The following GALNT10 variants were observed in gnomAD, a reference collection of about 807,000 sequenced individuals.
The protein encoded by GALNT10 is GalNAc transferase 10.
GALNT10 carries 41 observed loss-of-function variants against 75.0 expected under a neutral mutation model. The observed-to-expected ratio is 0.55, with a 90% CI of 0.43 to 0.71. The LOEUF (loss-of-function observed/expected upper bound fraction) is 0.71. Ranked by LOEUF, GALNT10 falls within the 30% of genes least tolerant of loss-of-function variation. GALNT10 has a pLI of 0.00. For missense variants in GALNT10, 727 were observed against 818.5 expected, an observed-to-expected ratio of 0.89 and a Z score of 1.36; for synonymous variants, 302 against 313.0, an observed-to-expected ratio of 0.96 and a Z score of 0.37.
chr5:154,261,235 T>G (rs1242758088), intron 1 of GALNT10, among the ~76,000 whole-genome samples: 2 of 151,856 alleles, frequency 1.3e-5, no homozygotes, highest in Non-Finnish European at 2.9e-5. Context: ...GAGAGAAAGT[T>G]CTGATGGCTC....
chr5:154,319,161 G>A (rs1052675701), intron 3 of GALNT10, among the ~76,000 whole-genome samples: 8 of 152,238 alleles, frequency 5.3e-5, no homozygotes, highest in Non-Finnish European at 8.8e-5. Context: ...AGGCCACGCT[G>A]CATGTGGAAG....
chr5:154,318,339 C>T (rs761672051), intron 3 of GALNT10, among the ~76,000 whole-genome samples: 6 of 152,194 alleles, frequency 3.9e-5, no homozygotes, highest in South Asian at 2.1e-4. Flanking sequence ...CTAGAAGCCA[C>T]GATTTCAAAC....
At position 154,404,188 on chromosome 5, in the gene GALNT10, C is replaced by T; in HGVS notation, c.1141C>T (p.Pro381Ser). Residue 381 changes from proline to serine, a missense_variant, in exon 8 of 12, where the codon CCG becomes TCG. By Grantham distance (74) the Pro-to-Ser change is moderately conservative (BLOSUM62 -1). Transcript: ENST00000297107. ...CAGGAAGTATGTGCCCTACAAGGTC[C>T]CGGCCGGAGTCAGCCTGGCCCGGGT... The part of the protein sequence containing the change: ...IYRKYVPYKV[P>S]AGVSLARNLK... The T allele has an allele frequency of 6.2e-7, 1 of 1,605,668 alleles. No homozygotes were observed. The highest frequency in any genetic ancestry group is 1.3e-5 in the African/African-American group (1 of 74,960).
At chr5:154,391,374 C>A (rs1755893335) in intron 7 of GALNT10, among the ~76,000 whole-genome samples, 1 of 152,216 alleles carries the variant, frequency 6.6e-6, no homozygotes, top group Non-Finnish European at 1.5e-5. Flanking sequence ...AGACCGGATT[C>A]TCTATCCTGA....
At position 154,327,695 on chromosome 5, in the gene GALNT10, G is replaced by T. The variant is rs1754777028; in HGVS notation, c.402-1877G>T. Among the ~76,000 whole-genome samples, 5 of 152,184 alleles carry T rather than the reference G, an allele frequency of 3.3e-5. No individual in the cohort carries two copies. In the South Asian group the frequency reaches 1.0e-3, roughly 32 times the overall value. Reference sequence around the variant, plus strand: ...TTACCCTGCCTTTCCTATACTTTGGGGTGAACGAATAGTTGATGTGGTAAA... The same window carrying T: ...TTACCCTGCCTTTCCTATACTTTGGTGTGAACGAATAGTTGATGTGGTAAA... On this transcript the variant is annotated intron_variant, in intron 3 of 11. Transcript: ENST00000297107.
In GALNT10 at chr5:154,415,772, C is replaced by A; in HGVS notation, c.1504-11C>A. 1.9e-6 allele frequency: 3 copies of A among 1,612,286 alleles called. No individual in the cohort carries two copies. The highest frequency in any genetic ancestry group is 2.5e-6 in the Non-Finnish European group (3 of 1,178,858). On this transcript the variant is annotated splice_polypyrimidine_tract_variant and intron_variant, in intron 10 of 11. Coordinates refer to ENST00000297107, the MANE Select transcript of GALNT10 (RefSeq NM_198321.4). Reference sequence around the variant, plus strand: ...CTTTGCTATCCCTATTTATGATGCCCCTGTGCACAGGTATTCACCTTCACC... The same window carrying A: ...CTTTGCTATCCCTATTTATGATGCCACTGTGCACAGGTATTCACCTTCACC...
At chr5:154,377,572 T>C (rs1044611854) in intron 5 of GALNT10, among the ~76,000 whole-genome samples, 7 of 152,176 alleles carry the variant, frequency 4.6e-5, no homozygotes, top group Non-Finnish European at 1.0e-4. Flanking sequence ...GTGATGCCAG[T>C]GTTGCTGGTC....
intron 1 of GALNT10, among the ~76,000 whole-genome samples, chr5:154,201,311 T>C (rs552264336): frequency 1.3e-5 from 2 of 152,194 alleles, no homozygotes; most frequent in East Asian, 1.9e-4. Flanking sequence ...ATGCAAAAAC[T>C]GAGGTTCAAA....
chr5:154,223,348 G>A (rs1753011457), intron 1 of GALNT10, among the ~76,000 whole-genome samples: 1 of 152,216 alleles, frequency 6.6e-6, no homozygotes. Flanking sequence ...CACTTCCCCA[G>A]TTCGTACAGC....
chr5:154,224,395 G>A (rs1416372647), intron 1 of GALNT10, among the ~76,000 whole-genome samples: 1 of 152,198 alleles, frequency 6.6e-6, no homozygotes, highest in African/African-American at 2.4e-5. Context: ...ATTTGACCCA[G>A]TCTCTTGCTT....
intron 4 of GALNT10, among the ~76,000 whole-genome samples, chr5:154,364,546 C>T (rs751641712): frequency 2.0e-5 from 3 of 152,068 alleles, no homozygotes; most frequent in Non-Finnish European, 4.4e-5. Flanking sequence ...TGAAGGAGGT[C>T]GTAAGGAAAG....
chr5:154,221,176 TTATAA>T (rs1032547504), intron 1 of GALNT10, among the ~76,000 whole-genome samples: 4 of 152,214 alleles, frequency 2.6e-5, no homozygotes, highest in Non-Finnish European at 4.4e-5. Flanking sequence ...AGACGCACTC[TTATAA>T]TATAAGGTAA....
In GALNT10 at chr5:154,293,616, T is replaced by A. The variant is rs995961880; in HGVS notation, c.160-1200T>A. On this transcript the variant is annotated intron_variant, in intron 1 of 11. Transcript: ENST00000297107. ...GCTGATATATATATATATATATATT[T>A]TTTTTTTCCTTTCAGCCATTCAATT... 6.1e-4 allele frequency among the ~76,000 whole-genome samples: 90 copies of A among 148,754 alleles called. 1 individual carries two copies. Among genetic ancestry groups the A allele is most frequent in the Admixed American group, 2.1e-3 (32 of 14,926 alleles).
intron 1 of GALNT10, among the ~76,000 whole-genome samples, chr5:154,203,279 C>T (rs552609006): frequency 2.0e-5 from 3 of 152,188 alleles, no homozygotes; most frequent in South Asian, 2.1e-4. Context: ...CCATAGTCTC[C>T]GTGATGTGTG....
At chr5:154,370,787 C>T (rs986672272) in intron 4 of GALNT10, among the ~76,000 whole-genome samples, 1 of 152,144 alleles carries the variant, frequency 6.6e-6, no homozygotes, top group Non-Finnish European at 1.5e-5. Flanking sequence ...CAATGTACTG[C>T]TGCTTTTAAA....
chr5:154,259,988 A>G (rs1753678420), intron 1 of GALNT10, among the ~76,000 whole-genome samples: 1 of 152,174 alleles, frequency 6.6e-6, no homozygotes, highest in Admixed American at 6.6e-5. Context: ...AACAGTGAGG[A>G]CTTTATAATC....
intron 1 of GALNT10, among the ~76,000 whole-genome samples, chr5:154,242,827 T>A (rs1475108853): frequency 6.6e-6 from 1 of 152,226 alleles, no homozygotes; most frequent in African/African-American, 2.4e-5. Flanking sequence ...ATTGGTCTCC[T>A]TGGAGCACAA....
chr5:154,275,352 G>A (rs953207022), intron 1 of GALNT10, among the ~76,000 whole-genome samples: 2 of 152,216 alleles, frequency 1.3e-5, no homozygotes, highest in Non-Finnish European at 2.9e-5. Context: ...AACTTTTGTT[G>A]TAGTTTGATA....
intron 7 of GALNT10, 191 bp downstream of exon 7, chr5:154,386,621 G>T: frequency 2.6e-6 from 1 of 387,274 alleles, no homozygotes; most frequent in African/African-American, 2.1e-5. Context: ...GTGTGGGAGG[G>T]AAGGGGAGTA....
Sources: allele counts gnomAD v4.1 joint callset (sites outside exome capture counted in the v4.1 genomes callset), GRCh38; gene constraint gnomAD v4.1.1; transcripts MANE v1.5; gene names NCBI Gene and HGNC (gene_info 2026-07-23, HGNC 2026-07-21).